SCHIP1: variants seen among roughly 807,000 people sequenced by gnomAD.
SCHIP1 encodes the protein schwannomin-interacting protein 1.
In SCHIP1, 8 loss-of-function variants were observed where a neutral mutation model predicts 29.7. That is an observed-to-expected ratio of 0.27 (90% CI 0.16 to 0.49). The LOEUF is 0.49. SCHIP1 is among the 20% of genes least tolerant of loss of function. The pLI, the probability that SCHIP1 is intolerant of heterozygous loss-of-function variation, is 0.99. For missense variants in SCHIP1, 193 were observed against 294.6 expected (o/e 0.66, Z 2.52); for synonymous variants, 76 against 94.9 (o/e 0.80, Z 1.16).
the SCHIP1 span, among the ~76,000 whole-genome samples, chr3:159,516,648 G>A: frequency 6.6e-6 from 1 of 151,820 alleles, no homozygotes; most frequent in Non-Finnish European, 1.5e-5. Context: ...TCCTCCTTTG[G>A]CCCTTAACAT....
the SCHIP1 span, among the ~76,000 whole-genome samples, chr3:159,356,620 A>G: frequency 1.3e-5 from 2 of 152,200 alleles, no homozygotes; most frequent in Non-Finnish European, 2.9e-5. Flanking sequence ...CTAATTAGAC[A>G]TTTCTGACAG....
At chr3:159,645,605 G>A in the SCHIP1 span, among the ~76,000 whole-genome samples, 3 of 152,220 alleles carry the variant, frequency 2.0e-5, no homozygotes, top group Admixed American at 1.3e-4. Flanking sequence ...CCTCTGGCAG[G>A]AGTGCGGAGA....
chr3:159,466,869 T>A, the SCHIP1 span, among the ~76,000 whole-genome samples: 2 of 152,146 alleles, frequency 1.3e-5, no homozygotes, highest in African/African-American at 4.8e-5. Flanking sequence ...CAACATTAGC[T>A]CCAAGTTTTA....
chr3:159,771,758 A>G, the SCHIP1 span, among the ~76,000 whole-genome samples: 1 of 151,968 alleles, frequency 6.6e-6, no homozygotes, highest in Admixed American at 6.5e-5. Context: ...AATTTTGAAA[A>G]TATACCATTA....
At chr3:159,482,429 C>A in the SCHIP1 span, among the ~76,000 whole-genome samples, 1 of 152,098 alleles carries the variant, frequency 6.6e-6, no homozygotes, top group Non-Finnish European at 1.5e-5. Flanking sequence ...GCTATGGAAG[C>A]ATTGAATGAT....
At chr3:159,562,232 C>T in the SCHIP1 span, among the ~76,000 whole-genome samples, 2 of 152,214 alleles carry the variant, frequency 1.3e-5, no homozygotes, top group African/African-American at 4.8e-5. Context: ...TTTTCATCAA[C>T]ATATGCCAAA....
At chr3:159,624,562 A>T in the SCHIP1 span, among the ~76,000 whole-genome samples, 3 of 152,170 alleles carry the variant, frequency 2.0e-5, no homozygotes, top group African/African-American at 7.2e-5. Flanking sequence ...CTGGGCCTAG[A>T]GGTGTGTGTT....
the SCHIP1 span, among the ~76,000 whole-genome samples, chr3:159,827,662 G>A: frequency 4.3e-4 from 66 of 151,988 alleles, no homozygotes; most frequent in Non-Finnish European, 6.6e-4. Context: ...AAAATTAGCC[G>A]GGCACGGTGG....
chr3:159,752,481 AAG>A, the SCHIP1 span, among the ~76,000 whole-genome samples: 3 of 152,144 alleles, frequency 2.0e-5, no homozygotes, highest in Non-Finnish European at 2.9e-5. Context: ...TTTATAAGAA[AAG>A]AGGTTTAATT....
chr3:159,589,406 A>C, the SCHIP1 span, among the ~76,000 whole-genome samples: 1 of 152,190 alleles, frequency 6.6e-6, no homozygotes, highest in Non-Finnish European at 1.5e-5. Flanking sequence ...GTCATTTGCA[A>C]ACAGGGACAA....
chr3:159,589,217 C>G, the SCHIP1 span, among the ~76,000 whole-genome samples: 1 of 152,154 alleles, frequency 6.6e-6, no homozygotes, highest in Non-Finnish European at 1.5e-5. Flanking sequence ...ATTTTATTCT[C>G]TTTGAAGCAA....
chr3:159,651,740 G>A, the SCHIP1 span, among the ~76,000 whole-genome samples: 4 of 152,044 alleles, frequency 2.6e-5, no homozygotes, highest in Non-Finnish European at 4.4e-5. Flanking sequence ...GAAAAGTCTA[G>A]CATCAAGTAA....
intron 2 of SCHIP1, among the ~76,000 whole-genome samples, chr3:159,882,356 A>C (rs181460228): frequency 2.3e-4 from 35 of 152,336 alleles, no homozygotes; most frequent in Non-Finnish European, 2.9e-5. Flanking sequence ...TAAAAATCTT[A>C]CCAATGAATC....
the SCHIP1 span, among the ~76,000 whole-genome samples, chr3:159,756,143 G>A: frequency 1.3e-5 from 2 of 152,200 alleles, no homozygotes; most frequent in Non-Finnish European, 2.9e-5. Context: ...CTCTGTTTGG[G>A]GGCTCTGACC....
rs545006970 is a variant in SCHIP1, at chr3:159,840,208, G to A, written c.24G>A (p.Ser8=). 74 of 1,535,588 alleles carry A rather than the reference G, an allele frequency of 4.8e-5. No homozygotes were observed. The African/African-American group carries it at 8.8e-4, about 18-fold the overall frequency. ...AGATGGTACATCAGGATAACTGCTC[G>A]TATCAGGTAAAATTTAAAGCCTGAT... is the stretch of plus-strand genomic sequence containing the variant. The change falls in exon 1 of 7, where the codon TCG becomes TCA. Residue 8 remains serine (S), a synonymous_variant. Transcript: ENST00000445224.
chr3:159,487,552 C>T, the SCHIP1 span, among the ~76,000 whole-genome samples: 1 of 152,142 alleles, frequency 6.6e-6, no homozygotes, highest in South Asian at 2.1e-4. Flanking sequence ...TAAATTCTAT[C>T]CAAATAAGCT....
At chr3:159,827,698 G>A in the SCHIP1 span, among the ~76,000 whole-genome samples, 13 of 151,962 alleles carry the variant, frequency 8.6e-5, no homozygotes, top group South Asian at 2.5e-3. Context: ...CCAGCTACTC[G>A]GGAGGCTGAG....
chr3:159,852,089 A>G (rs1712721972), intron 1 of SCHIP1, among the ~76,000 whole-genome samples: 1 of 152,240 alleles, frequency 6.6e-6, no homozygotes, highest in South Asian at 2.1e-4. Context: ...TCTTCTACAA[A>G]TTGAATTTTT....
At chr3:159,545,544 T>C in the SCHIP1 span, among the ~76,000 whole-genome samples, 4 of 151,490 alleles carry the variant, frequency 2.6e-5, no homozygotes, top group Non-Finnish European at 4.4e-5. Context: ...CTTGTGACCA[T>C]GTGAGTTAAT....
Sources: allele counts gnomAD v4.1 joint callset (sites outside exome capture counted in the v4.1 genomes callset), GRCh38; gene constraint gnomAD v4.1.1; transcripts MANE v1.5; gene names NCBI Gene and HGNC (gene_info 2026-07-23, HGNC 2026-07-21).